HLA-DOB: variants seen among roughly 807,000 people sequenced by gnomAD.
HLA-DOB encodes HLA class II histocompatibility antigen, DO beta chain.
In HLA-DOB, 25 loss-of-function variants were observed where a neutral mutation model predicts 27.7. That is an observed-to-expected ratio of 0.90 (90% CI 0.66 to 1.26). The LOEUF (loss-of-function observed/expected upper bound fraction) is 1.26. Ranked by LOEUF, HLA-DOB falls within the 50% of genes most tolerant of loss-of-function variation. The probability of loss-of-function intolerance (pLI) is 0.00; values close to 1 mark genes in which losing one functional copy is unlikely to be tolerated. For missense variants in HLA-DOB, 306 were observed against 324.9 expected (o/e 0.94, Z 0.45); for synonymous variants, 137 against 125.6 (o/e 1.09, Z -0.61).
At position 32,814,497 on chromosome 6, in the gene HLA-DOB, T is replaced by C; in HGVS notation, c.466A>G (p.Lys156Glu). ...TGFYPGDIKI[K>E]WFLNGQEERA... ...TCCTCCTGCCCATTCAGGAACCACT[T>C]GATCTTGATATCCCCTGGATAGAAG... is the stretch of plus-strand genomic sequence containing the variant. The change falls in exon 3 of 6, where the codon AAG becomes GAG. Residue 156 changes from lysine (K) to glutamate (E), a missense_variant. Physicochemically the swap from Lys to Glu is moderately conservative, Grantham distance 56 (BLOSUM62 1). Transcript: ENST00000438763. 6.2e-7 allele frequency: 1 copy of C among 1,613,024 alleles called. No homozygotes were observed. The highest frequency in any genetic ancestry group is 8.5e-7 in the Non-Finnish European group (1 of 1,180,000).
At chr6:32,814,689 C>A (rs573079276) in intron 2 of HLA-DOB, 88 bp from the exon 3 acceptor site, 9 of 1,233,066 alleles carry the variant, frequency 7.3e-6, no homozygotes, top group Non-Finnish European at 1.0e-5. Flanking sequence ...TATGTCTAAT[C>A]TCTTTCCCAG....
intron 5 of HLA-DOB, 69 bp from the exon 6 acceptor site, chr6:32,813,320 G>A (rs535609514): frequency 6.3e-7 from 1 of 1,594,260 alleles, no homozygotes; most frequent in African/African-American, 1.3e-5. Flanking sequence ...CAGAGACTCA[G>A]GGGACAGTCC....
At position 32,814,578 on chromosome 6, in the gene HLA-DOB, G is replaced by A. The variant is rs201263357; in HGVS notation, c.385C>T (p.Pro129Ser). 3.2e-5 allele frequency: 51 copies of A among 1,612,570 alleles called. No individual in the cohort carries two copies. The highest frequency in any genetic ancestry group is 3.3e-4 in the Middle Eastern group (2 of 6,072). Reference sequence around the variant, plus strand: ...TGGTGCAGGAGTGGGGTCCTCTCTGGGTACACTGTCACCTCTGGTTGCACT... The same window carrying A: ...TGGTGCAGGAGTGGGGTCCTCTCTGAGTACACTGTCACCTCTGGTTGCACT... ...RKVQPEVTVY[P>S]ERTPLLHQHN... is the part of the protein sequence containing the mutation. The change falls in exon 3 of 6, where the codon CCA becomes TCA. Residue 129 changes from proline (P) to serine (S), a missense_variant. Physicochemically the swap from Pro to Ser is moderately conservative, Grantham distance 74. Transcript: ENST00000438763.
At chr6:32,815,417 C>T (rs555109029) in intron 1 of HLA-DOB, 104 bp from the exon 2 acceptor site, 1 of 1,105,750 alleles carries the variant, frequency 9.0e-7, no homozygotes, top group Non-Finnish European at 1.3e-6. Context: ...GGCCTTTGAC[C>T]TCAGTATGCT....
intron 2 of HLA-DOB, among the ~76,000 whole-genome samples, 157 bp downstream of exon 2, chr6:32,814,887 T>C (rs1449996051): frequency 1.3e-5 from 2 of 152,176 alleles, no homozygotes; most frequent in African/African-American, 4.8e-5. Flanking sequence ...TCACAGTGGC[T>C]GACTTGTGAG....
At chr6:32,813,612 A>G (rs1336570279) in intron 4 of HLA-DOB, 111 bp downstream of exon 4, 3 of 1,188,916 alleles carry the variant, frequency 2.5e-6, no homozygotes, top group Admixed American at 2.0e-5. Context: ...TATCCCGGTG[A>G]TCCCTGAGAG....
rs767358961 is a variant in HLA-DOB at position 32,814,499 on chromosome 6, A to G, written c.464T>C (p.Ile155Thr). 3.7e-6 allele frequency: 6 copies of G among 1,613,034 alleles called. No individual in the cohort carries two copies. The South Asian group carries it at 6.6e-5, about 18-fold the overall frequency. ...VTGFYPGDIKIKWFLNGQEER... is the reference protein window; with the variant it reads ...VTGFYPGDIKTKWFLNGQEER... ...CTCCTGCCCATTCAGGAACCACTTG[A>G]TCTTGATATCCCCTGGATAGAAGCC... The change falls in exon 3 of 6, where the codon ATC becomes ACC. Residue 155 changes from isoleucine to threonine, a missense_variant. Physicochemically the swap from Ile to Thr is moderately conservative, Grantham distance 89. Transcript: ENST00000438763.
At chr6:32,813,371 T>C (rs56278853) in intron 5 of HLA-DOB, 69 bp downstream of exon 5, 18,152 of 1,589,852 alleles carry the variant, frequency 0.011, 597 homozygotes, top group South Asian at 0.083. Flanking sequence ...TACCCCCATG[T>C]CATCTCCCTC....
intron 2 of HLA-DOB, 110 bp from the exon 3 acceptor site, chr6:32,814,711 G>A: frequency 1.9e-6 from 2 of 1,050,472 alleles, no homozygotes; most frequent in South Asian, 2.9e-5. Flanking sequence ...TCACCCAAGT[G>A]AACACAAAGT....
intron 3 of HLA-DOB, 170 bp from the exon 4 acceptor site, chr6:32,814,003 A>C (rs1767911140): frequency 1.6e-6 from 1 of 617,452 alleles, no homozygotes; most frequent in South Asian, 2.0e-5. Context: ...GTTACCCCCC[A>C]TCGGTTACAG....
rs1215187344 is a variant in HLA-DOB, at chr6:32,813,688, G to C, written c.754+35C>G. The C allele has an allele frequency of 2.9e-6, 4 of 1,378,324 alleles. No individual in the cohort carries two copies. In the African/African-American group the frequency reaches 5.7e-5, roughly 20 times the overall value. 85.4% of individuals were successfully genotyped at this position (1,378,324 alleles called of 1,614,324 possible). On this transcript the variant is annotated intron_variant, in intron 4 of 5. Coordinates refer to ENST00000438763, the MANE Select transcript of HLA-DOB (RefSeq NM_002120.4). ...GAAGGTGGGAGTGGGGAAGGTCTGG[G>C]ACAGGTGGCAGGGCACTCCTCACAG...
intron 1 of HLA-DOB, 105 bp from the exon 2 acceptor site, chr6:32,815,418 T>G (rs914753187): frequency 9.1e-7 from 1 of 1,104,110 alleles, no homozygotes; most frequent in African/African-American, 1.5e-5. Flanking sequence ...GCCTTTGACC[T>G]CAGTATGCTC....
chr6:32,816,769 T>C (rs1582531224), intron 1 of HLA-DOB, 92 bp downstream of exon 1: 3 of 993,850 alleles, frequency 3.0e-6, no homozygotes, highest in Non-Finnish European at 4.6e-6. Context: ...ACTTCCAGTC[T>C]GGTCTGTGGC....
chr6:32,813,329 C>G, intron 5 of HLA-DOB, 78 bp from the exon 6 acceptor site: 1 of 1,589,342 alleles, frequency 6.3e-7, no homozygotes, highest in South Asian at 1.1e-5. Context: ...AGGGGACAGT[C>G]CCATCCAGAC....
chr6:32,813,953 T>A, intron 3 of HLA-DOB, 120 bp from the exon 4 acceptor site: 1 of 730,512 alleles, frequency 1.4e-6, no homozygotes, highest in Admixed American at 2.9e-5. Context: ...ATAAATAAAT[T>A]TAGAAAAGGT....
chr6:32,814,001 C>A (rs1767910894), intron 3 of HLA-DOB, 168 bp from the exon 4 acceptor site: 1 of 617,200 alleles, frequency 1.6e-6, no homozygotes, highest in Non-Finnish European at 2.8e-6. Context: ...GAGTTACCCC[C>A]CATCGGTTAC....
rs944823382 is a variant in HLA-DOB at position 32,812,965 on chromosome 6, T to C, written c.*251A>G. ...ATTTGGGGCTGGAAGGAGTAAGGTC[T>C]CAGGGGAGTTTCTGGACAATGCCCT... On this transcript the variant is annotated 3_prime_UTR_variant, in exon 6 of 6. Transcript: ENST00000438763. The C allele has an allele frequency of 5.2e-6, 3 of 578,518 alleles. No homozygotes were observed. Among genetic ancestry groups the C allele is most frequent in the Non-Finnish European group, 9.2e-6 (3 of 324,490 alleles). 35.8% of individuals were successfully genotyped at this position (578,518 alleles called of 1,614,324 possible).
rs201637948 is a variant in HLA-DOB, at chr6:32,813,450, G to C, written c.776C>G (p.Ser259Cys). ...AQKGYVRTQM[S>C]GNEVSRAVLL... is the part of the protein sequence containing the mutation. ...AAAAAGAGACATTACCTCATTACCA[G>C]ACATCTGCGTCCTCACATATCCTGG... Residue 259 changes from serine (S) to cysteine (C), a missense_variant, in exon 5 of 6, where the codon TCT (serine) becomes TGT (cysteine). Physicochemically the swap from Ser to Cys is moderately radical, Grantham distance 112. Transcript: ENST00000438763. 28 of 1,612,944 alleles carry C rather than the reference G, an allele frequency of 1.7e-5. No homozygotes were observed. Among genetic ancestry groups the C allele is most frequent in the Non-Finnish European group, 2.3e-5 (27 of 1,179,950 alleles).
intron 2 of HLA-DOB, 107 bp downstream of exon 2, chr6:32,814,937 C>A: frequency 7.8e-7 from 1 of 1,281,896 alleles, no homozygotes; most frequent in Non-Finnish European, 1.1e-6. Flanking sequence ...TCTACACAGA[C>A]AACCATTTAT....
Sources: allele counts gnomAD v4.1 joint callset (sites outside exome capture counted in the v4.1 genomes callset), GRCh38; gene constraint gnomAD v4.1.1; transcripts MANE v1.5; gene names NCBI Gene and HGNC (gene_info 2026-07-23, HGNC 2026-07-21).